ZMAT4: variants seen among roughly 807,000 people sequenced by gnomAD.
ZMAT4 encodes zinc finger matrin-type 4, also known as zinc finger matrin-type protein 4.
Under a neutral mutation model 28.7 loss-of-function variants are expected in ZMAT4, and 17 were observed. That is an observed-to-expected ratio of 0.59 (90% CI 0.41 to 0.89). The LOEUF (loss-of-function observed/expected upper bound fraction) is 0.89. Ranked by LOEUF, ZMAT4 falls within the 40% of genes least tolerant of loss-of-function variation. ZMAT4 has a pLI of 0.00. For synonymous variants in ZMAT4, 117 were observed against 109.2 expected (o/e 1.07, Z -0.44); for missense variants, 240 against 283.8 (o/e 0.85, Z 1.11).
intron 5 of ZMAT4, among the ~76,000 whole-genome samples, chr8:40,596,922 T>C (rs1433479984): frequency 6.6e-6 from 1 of 152,192 alleles, no homozygotes; most frequent in Non-Finnish European, 1.5e-5. Context: ...GCCAGTTGAC[T>C]GGGATTTGAA....
chr8:40,654,973 A>G (rs1265669213), intron 5 of ZMAT4, among the ~76,000 whole-genome samples: 2 of 151,992 alleles, frequency 1.3e-5, no homozygotes, highest in Non-Finnish European at 2.9e-5. Flanking sequence ...AACTTAAATA[A>G]AAGGCATCCA....
chr8:40,844,275 T>A (rs960037860), intron 1 of ZMAT4, among the ~76,000 whole-genome samples: 5 of 152,322 alleles, frequency 3.3e-5, no homozygotes, highest in African/African-American at 1.2e-4. Context: ...AATGATGGCG[T>A]TCCCAGAAGA....
intron 3 of ZMAT4, among the ~76,000 whole-genome samples, chr8:40,700,406 C>CTTTTTTTTTTTT (rs749363248): frequency 3.3e-5 from 2 of 60,768 alleles, no homozygotes; most frequent in Non-Finnish European, 6.2e-5. Flanking sequence ...GAAGCTGCTG[C>CTTTTTTTTTTTT]TTTTCTTTTT....
intron 1 of ZMAT4, among the ~76,000 whole-genome samples, chr8:40,839,074 C>T (rs913276823): frequency 6.6e-6 from 1 of 152,170 alleles, no homozygotes; most frequent in Non-Finnish European, 1.5e-5. Flanking sequence ...AATGTTCTTT[C>T]CCTGCAGCTC....
chr8:40,786,482 C>A (rs1376245706), intron 2 of ZMAT4, among the ~76,000 whole-genome samples: 1 of 115,090 alleles, frequency 8.7e-6, no homozygotes, highest in East Asian at 2.6e-4. Context: ...CTTCAAACCT[C>A]TGATGCATAC....
chr8:40,613,954 C>T (rs1357167359), intron 5 of ZMAT4, among the ~76,000 whole-genome samples: 1 of 152,184 alleles, frequency 6.6e-6, no homozygotes. Context: ...GCCCCTGATT[C>T]CTCCCTCCTA....
At chr8:40,724,418 C>T (rs370050726) in intron 3 of ZMAT4, among the ~76,000 whole-genome samples, 28 of 152,272 alleles carry the variant, frequency 1.8e-4, no homozygotes, top group Admixed American at 1.2e-3. Context: ...TTGCAAAGAA[C>T]GTTTGACTTT....
At chr8:40,726,551 C>T (rs1158259938) in intron 3 of ZMAT4, among the ~76,000 whole-genome samples, 5 of 152,194 alleles carry the variant, frequency 3.3e-5, no homozygotes, top group Admixed American at 2.0e-4. Flanking sequence ...ATAGCTGTTC[C>T]GTGTCCCCAT....
At chr8:40,873,217 T>C (rs760427201) in intron 1 of ZMAT4, among the ~76,000 whole-genome samples, 1 of 152,250 alleles carries the variant, frequency 6.6e-6, no homozygotes, top group Non-Finnish European at 1.5e-5. Context: ...TTGGATGCAC[T>C]GCCACATGTG....
chr8:40,860,898 C>A (rs568273016), intron 1 of ZMAT4, among the ~76,000 whole-genome samples: 2 of 152,216 alleles, frequency 1.3e-5, no homozygotes, highest in East Asian at 3.9e-4. Flanking sequence ...GGCTGTTGCA[C>A]CCACCATCGG....
At chr8:40,602,776 A>G (rs548463256) in intron 5 of ZMAT4, among the ~76,000 whole-genome samples, 1 of 151,256 alleles carries the variant, frequency 6.6e-6, no homozygotes, top group Non-Finnish European at 1.5e-5. Flanking sequence ...TTTTTTGCTG[A>G]TTTGTTTGAG....
At chr8:40,855,862 T>C (rs939714486) in intron 1 of ZMAT4, among the ~76,000 whole-genome samples, 3 of 151,914 alleles carry the variant, frequency 2.0e-5, no homozygotes, top group African/African-American at 7.3e-5. Context: ...TTTATTTTTT[T>C]ATTTTTTTTG....
chr8:40,578,811 C>G (rs930468128), intron 6 of ZMAT4, among the ~76,000 whole-genome samples: 6 of 152,196 alleles, frequency 3.9e-5, no homozygotes, highest in African/African-American at 1.4e-4. Flanking sequence ...ATGTTCCCTT[C>G]TGAAGTCTTG....
At chr8:40,886,040 A>T (rs753231325) in intron 1 of ZMAT4, among the ~76,000 whole-genome samples, 1 of 152,238 alleles carries the variant, frequency 6.6e-6, no homozygotes, top group Non-Finnish European at 1.5e-5. Flanking sequence ...ACCAATTCCC[A>T]ACATTCTGAG....
At chr8:40,844,765 G>T (rs947982763) in intron 1 of ZMAT4, among the ~76,000 whole-genome samples, 3 of 151,628 alleles carry the variant, frequency 2.0e-5, no homozygotes, top group Admixed American at 1.3e-4. Flanking sequence ...GCATTCCAAA[G>T]TGATCCCACA....
chr8:40,607,789 T>G (rs1325447042), intron 5 of ZMAT4, among the ~76,000 whole-genome samples: 1 of 152,018 alleles, frequency 6.6e-6, no homozygotes, highest in African/African-American at 2.4e-5. Context: ...CTGCAGTGAT[T>G]GTTATTTCTC....
At chr8:40,627,775 C>A (rs1011377812) in intron 5 of ZMAT4, among the ~76,000 whole-genome samples, 10 of 151,716 alleles carry the variant, frequency 6.6e-5, no homozygotes, top group African/African-American at 1.9e-4. Flanking sequence ...CTATGTTCAA[C>A]AAATAGGTAT....
chr8:40,698,359 T>C (rs149732785), intron 3 of ZMAT4, among the ~76,000 whole-genome samples: 305 of 152,320 alleles, frequency 2.0e-3, no homozygotes, highest in African/African-American at 3.7e-3. Flanking sequence ...ATCAATTACC[T>C]ATACTTATGA....
intron 5 of ZMAT4, among the ~76,000 whole-genome samples, chr8:40,650,043 A>G (rs961411481): frequency 2.0e-5 from 3 of 152,100 alleles, no homozygotes; most frequent in African/African-American, 7.2e-5. Flanking sequence ...AACACGTTCA[A>G]AAGCTAGAAG....
Sources: gnomAD v4.1 joint callset for allele counts (sites outside exome capture counted in the v4.1 genomes callset) on GRCh38, gnomAD v4.1.1 for gene constraint, MANE v1.5 for transcripts, NCBI Gene and HGNC (gene_info 2026-07-23, HGNC 2026-07-21) for gene names.